Variants in NEB observed in about 807,000 individuals in gnomAD.
NEB encodes the protein nemaline myopathy type 2.
Under a neutral mutation model 952.2 loss-of-function variants are expected in NEB, and 512 were observed. That is an observed-to-expected ratio of 0.54 (90% CI 0.50 to 0.58). NEB has a LOEUF of 0.58. Ranked by LOEUF, NEB falls within the 20% of genes least tolerant of loss-of-function variation. NEB has a pLI of 0.00. For missense variants in NEB, 8,428 were observed against 9,231.1 expected (o/e 0.91, Z 3.56); for synonymous variants, 2,900 against 3,149.8 (o/e 0.92, Z 2.66).
At chr2:151,552,605 G>T in intron 128 of NEB, 67 bp downstream of exon 128, 2 of 1,137,712 alleles carry the variant, frequency 1.8e-6, no homozygotes, top group Non-Finnish European at 2.6e-6. Flanking sequence ...TATGGTTTTT[G>T]CCACCTCTGC....
rs752586147 is a variant in NEB at position 151,507,120 on chromosome 2, A to AT, written c.23452-108_23452-107insA. ...TTAAAATCCTGTATCTTTAAAAAAA[A>AT]GTCTATGCACAATAATTATGGTCTG... On this transcript the variant is annotated intron_variant, in intron 162 of 181. Coordinates refer to ENST00000397345, the MANE Select transcript of NEB (RefSeq NM_001164508.2). 53 of 708,902 alleles carry AT rather than the reference A, an allele frequency of 7.5e-5. No individual in the cohort carries two copies. In the South Asian group the frequency reaches 9.2e-4, roughly 12 times the overall value. 43.9% of individuals were successfully genotyped at this position (708,902 alleles called of 1,614,324 possible).
intron 9 of NEB, among the ~76,000 whole-genome samples, chr2:151,718,014 C>T (rs1014120717): frequency 3.3e-5 from 5 of 152,162 alleles, no homozygotes; most frequent in Non-Finnish European, 4.4e-5. Context: ...CCACCGTGCC[C>T]GGCTAATTTG....
chr2:151,640,440 T>C lies in NEB; in HGVS notation c.8600A>G (p.Tyr2867Cys), dbSNP rs2098832770. Reference sequence around the variant, plus strand: ...TGTCCACTGGTGCAGGTAGTTCTTGTAGTCCACATCGCTGACTAAGGTCTG... The same window carrying C: ...TGTCCACTGGTGCAGGTAGTTCTTGCAGTCCACATCGCTGACTAAGGTCTG... ...KCQTLVSDVDYKNYLHQWTCL... is the reference protein window; with the variant it reads ...KCQTLVSDVDCKNYLHQWTCL... Residue 2867 changes from tyrosine to cysteine, a missense_variant, in exon 61 of 182, where the codon TAC (tyrosine) becomes TGC (cysteine). By Grantham distance (194) the Tyr-to-Cys change is radical. Around this residue, in one of 11 missense-constraint regions of NEB, gnomAD observed 1,772 missense variants for 1,960.3 expected, o/e 0.90. Transcript: ENST00000397345. 6.2e-7 allele frequency: 1 copy of C among 1,613,876 alleles called. No individual in the cohort carries two copies. The highest frequency in any genetic ancestry group is 1.3e-5 in the African/African-American group (1 of 74,928).
At position 151,619,699 on chromosome 2, in the gene NEB, C is replaced by A; in HGVS notation, c.10624G>T (p.Asp3542Tyr). The A allele has an allele frequency of 6.2e-7, 1 of 1,613,924 alleles. No individual in the cohort carries two copies. The highest frequency in any genetic ancestry group is 8.5e-7 in the Non-Finnish European group (1 of 1,179,858). ...GHHIGARAVH[D>Y]DPKIMWSLHI... ...AGGGACCACATTATCTTGGGGTCAT[C>A]GTGTACTGCTCGGGCGCCAATGTGG... is the stretch of plus-strand genomic sequence containing the variant. The change falls in exon 73 of 182, where the codon GAT becomes TAT. Residue 3542 changes from aspartate (D) to tyrosine (Y), a missense_variant. Physicochemically the swap from Asp to Tyr is radical, Grantham distance 160. Around this residue, in one of 11 missense-constraint regions of NEB, gnomAD observed 1,772 missense variants for 1,960.3 expected, o/e 0.90. Transcript: ENST00000397345.
chr2:151,639,736 T>A, intron 62 of NEB, 121 bp downstream of exon 62: 1 of 806,928 alleles, frequency 1.2e-6, no homozygotes, highest in Non-Finnish European at 1.9e-6. Flanking sequence ...AGCCAATAGA[T>A]ACATAGACAG....
Position 151,727,817 on chromosome 2 carries a change from TGCTGGCTGTGCCAGA to T in NEB, c.153_167del (p.Leu57_Ala61del), listed in dbSNP as rs757726895. On this transcript the variant is annotated inframe_deletion, in exon 5 of 182. Coordinates refer to ENST00000397345, the MANE Select transcript of NEB (RefSeq NM_001164508.2). ...GCTTTGCTGATGCTGGCTGTGCCAG[TGCTGGCTGTGCCAGA>T]GCTGGTTTGGAAGTTTCTGATTGCT... 25 of 1,604,524 alleles carry T rather than the reference TGCTGGCTGTGCCAGA, an allele frequency of 1.6e-5. No homozygotes were observed. In the East Asian group the frequency reaches 2.9e-4, roughly 19 times the overall value.
intron 119 of NEB, among the ~76,000 whole-genome samples, chr2:151,563,085 A>G (rs1031078827): frequency 3.1e-5 from 4 of 130,294 alleles, no homozygotes; most frequent in Non-Finnish European, 4.6e-5. Flanking sequence ...TGTGATCTCC[A>G]CTCACTGCAA....
At chr2:151,651,833 G>A (rs534921943) in intron 52 of NEB, among the ~76,000 whole-genome samples, 1 of 152,196 alleles carries the variant, frequency 6.6e-6, no homozygotes, top group Admixed American at 6.5e-5. Context: ...TTCAACATAA[G>A]CAATCTGACA....
At position 151,568,426 on chromosome 2, in the gene NEB, A is replaced by AC. The variant is rs2153745514; in HGVS notation, c.17635-10_17635-9insG. On this transcript the variant is annotated splice_polypyrimidine_tract_variant and intron_variant, in intron 111 of 181. Transcript: ENST00000397345. ...TCTTTCCGGTATTTAATCTAAAAAA[A>AC]AAAAAATGAGAGGCAAGGGGGCAAG... 6.2e-7 allele frequency: 1 copy of AC among 1,611,426 alleles called. No individual in the cohort carries two copies. The highest frequency in any genetic ancestry group is 8.5e-7 in the Non-Finnish European group (1 of 1,178,082).
chr2:151,694,071 C>A (rs2099577979), intron 20 of NEB, among the ~76,000 whole-genome samples: 1 of 152,056 alleles, frequency 6.6e-6, no homozygotes, highest in Non-Finnish European at 1.5e-5. Flanking sequence ...ATGATATTGG[C>A]AGAATATTTT....
At chr2:151,518,206 C>T in intron 156 of NEB, 112 bp downstream of exon 156, 1 of 818,422 alleles carries the variant, frequency 1.2e-6, no homozygotes, top group South Asian at 1.4e-5. Context: ...TTCAAAACCC[C>T]TTATATCTTT....
intron 165 of NEB, among the ~76,000 whole-genome samples, chr2:151,504,896 G>A (rs187535260): frequency 1.3e-5 from 2 of 152,196 alleles, no homozygotes; most frequent in African/African-American, 4.8e-5. Flanking sequence ...ATATACCATT[G>A]TAGGTAGATC....
At chr2:151,664,356 G>A (rs1292122769) in intron 44 of NEB, 145 bp downstream of exon 44, 3 of 567,344 alleles carry the variant, frequency 5.3e-6, no homozygotes, top group Non-Finnish European at 9.2e-6. Context: ...GTACTTGGAT[G>A]GGGTGAAGGG....
chr2:151,633,794 T>C lies in NEB; in HGVS notation c.9274A>G (p.Met3092Val), dbSNP rs760847512. The C allele has an allele frequency of 1.2e-6, 2 of 1,613,860 alleles. No individual in the cohort carries two copies. The highest frequency in any genetic ancestry group is 1.7e-6 in the Non-Finnish European group (2 of 1,179,880). The change falls in exon 65 of 182, where the codon ATG (methionine) becomes GTG (valine). Residue 3092 changes from methionine (M) to valine (V), a missense_variant. Coordinates refer to ENST00000397345, the MANE Select transcript of NEB (RefSeq NM_001164508.2). ...WKTKFSSPVD[M>V]LGVVLAKKCQ... ...TTCTTGGCCAGCACCACCCCCAGCA[T>C]GTCCACTGGGCTGCTGAACTTGGTC...
chr2:151,551,700 G>A (rs753652055), intron 129 of NEB, 38 bp downstream of exon 129: 11 of 1,505,582 alleles, frequency 7.3e-6, no homozygotes, highest in South Asian at 2.3e-5. Flanking sequence ...CTGATGGAAC[G>A]GATTTCTGCT....
chr2:151,704,540 A>G (rs2099695713), intron 13 of NEB, among the ~76,000 whole-genome samples: 1 of 152,030 alleles, frequency 6.6e-6, no homozygotes, highest in Non-Finnish European at 1.5e-5. Flanking sequence ...CCTCCGAGCC[A>G]GGTGCAGGAT....
chr2:151,540,225 G>GT (rs2093858019), intron 138 of NEB, 119 bp downstream of exon 138: 1 of 558,860 alleles, frequency 1.8e-6, no homozygotes. Context: ...AAAAATGTGT[G>GT]TTTTTTTCCT....
Position 151,671,046 on chromosome 2 carries a change from G to A in NEB, c.4483C>T (p.His1495Tyr). The A allele has an allele frequency of 6.2e-7, 1 of 1,613,868 alleles. No individual in the cohort carries two copies. Among genetic ancestry groups the A allele is most frequent in the Non-Finnish European group, 8.5e-7 (1 of 1,179,786 alleles). ...PDSMGMVLAQHNTKQLSDLNY... is the reference protein window; with the variant it reads ...PDSMGMVLAQYNTKQLSDLNY... The stretch of plus-strand genomic sequence containing the variant: ...ACATCACTTAGCTGCTTTGTGTTAT[G>A]CTGAGCCAACACCATGCCCATGGAA... Residue 1495 changes from histidine to tyrosine, a missense_variant, in exon 38 of 182, where the codon CAT (histidine) becomes TAT (tyrosine). His to Tyr is a moderately conservative substitution (Grantham distance 83). This residue lies in a region of NEB where 2,851 missense variants were observed against 2,791.5 expected (regional missense o/e 1.02). Transcript: ENST00000397345.
chr2:151,638,495 T>C (rs1371342100), intron 63 of NEB, among the ~76,000 whole-genome samples: 1 of 152,208 alleles, frequency 6.6e-6, no homozygotes, highest in Non-Finnish European at 1.5e-5. Context: ...ACAGATTTGT[T>C]CTGTGCAGCT....
Sources: allele counts gnomAD v4.1 joint callset (sites outside exome capture counted in the v4.1 genomes callset), GRCh38; gene constraint gnomAD v4.1.1; regional missense constraint gnomAD v4.1.1; transcripts MANE v1.5; gene names NCBI Gene and HGNC (gene_info 2026-07-23, HGNC 2026-07-21).